The following TDRD9 variants were observed in gnomAD, a reference collection of about 807,000 sequenced individuals.
TDRD9 encodes ATP-dependent RNA helicase TDRD9.
A neutral mutation model predicts 172.6 loss-of-function variants in TDRD9; 124 were observed. That is an observed-to-expected ratio of 0.72 (90% CI 0.62 to 0.83). The LOEUF is 0.83. TDRD9 is among the 40% of genes least tolerant of loss of function. The probability of loss-of-function intolerance (pLI) is 0.00; values close to 1 mark genes in which losing one functional copy is unlikely to be tolerated. For missense variants in TDRD9, 1,479 were observed against 1,714.1 expected (o/e 0.86, Z 2.42); for synonymous variants, 619 against 617.1 (o/e 1.00, Z -0.05).
chr14:104,002,601 G>A (rs2034298316), intron 13 of TDRD9, among the ~76,000 whole-genome samples: 1 of 152,118 alleles, frequency 6.6e-6, no homozygotes, highest in Non-Finnish European at 1.5e-5. Context: ...CCCGGTGATT[G>A]GCATAAGAGT....
Position 104,025,664 on chromosome 14 carries a change from C to A in TDRD9, c.2819C>A (p.Pro940His), listed in dbSNP as rs759795522. ...TAEINQLTLVPLPTHPHPDLV... is the reference protein window; with the variant it reads ...TAEINQLTLVHLPTHPHPDLV... The stretch of plus-strand genomic sequence containing the variant: ...GAAATCAACCAACTGACGCTGGTGC[C>A]CTTGCCCACTCACCCACATCCAGAC... The change falls in exon 26 of 36, where the codon CCC (proline) becomes CAC (histidine). Residue 940 changes from proline to histidine, a missense_variant. By Grantham distance (77) the Pro-to-His change is moderately conservative (BLOSUM62 -2). Coordinates refer to ENST00000409874, the MANE Select transcript of TDRD9 (RefSeq NM_153046.3). The A allele has an allele frequency of 6.2e-7, 1 of 1,613,952 alleles. No homozygotes were observed. Among genetic ancestry groups the A allele is most frequent in the Non-Finnish European group, 8.5e-7 (1 of 1,179,840 alleles).
At position 103,959,434 on chromosome 14, in the gene TDRD9, G is replaced by A. The variant is rs567849206; in HGVS notation, c.323-3645G>A. Among the ~76,000 whole-genome samples the A allele has an allele frequency of 7.3e-5, 11 of 150,838 alleles. No homozygotes were observed. The South Asian group carries it at 2.3e-3, about 32-fold the overall frequency. ...AGTGTTGAAGTGCCTCTGGAGCACT[G>A]AAGAAGTAAGGTCAGGTTATCGTGT... On this transcript the variant is annotated intron_variant, in intron 2 of 35. Coordinates refer to ENST00000409874, the MANE Select transcript of TDRD9 (RefSeq NM_153046.3).
chr14:103,963,439 C>G, intron 3 of TDRD9, among the ~76,000 whole-genome samples: 1 of 152,098 alleles, frequency 6.6e-6, no homozygotes, highest in Non-Finnish European at 1.5e-5. Context: ...TTTAGTTTAT[C>G]TAGTCTTTCC....
At chr14:104,010,974 T>C (rs1466072101) in intron 20 of TDRD9, among the ~76,000 whole-genome samples, 2 of 152,178 alleles carry the variant, frequency 1.3e-5, no homozygotes, top group Non-Finnish European at 2.9e-5. Context: ...GTGCTAGACT[T>C]TCATATGATT....
intron 1 of TDRD9, among the ~76,000 whole-genome samples, chr14:103,932,854 A>G (rs981931672): frequency 2.0e-5 from 3 of 152,172 alleles, no homozygotes; most frequent in Non-Finnish European, 4.4e-5. Flanking sequence ...GCAGAAGAAC[A>G]TGGGCAATTT....
chr14:103,939,575 C>CAGGT (rs1344842697), intron 1 of TDRD9, among the ~76,000 whole-genome samples: 1 of 148,968 alleles, frequency 6.7e-6, no homozygotes, highest in Non-Finnish European at 1.5e-5. Flanking sequence ...AAACCCTGAT[C>CAGGT]AGGTGGGTTG....
intron 11 of TDRD9, among the ~76,000 whole-genome samples, chr14:103,995,220 A>G (rs1199522285): frequency 2.0e-5 from 3 of 152,180 alleles, no homozygotes; most frequent in African/African-American, 4.8e-5. Context: ...TAGAAGCCAT[A>G]TTCTAGGTCC....
intron 1 of TDRD9, among the ~76,000 whole-genome samples, chr14:103,952,165 T>G (rs2031915461): frequency 7.0e-6 from 1 of 142,194 alleles, no homozygotes; most frequent in Non-Finnish European, 1.5e-5. Flanking sequence ...TGTATATATG[T>G]GTATATATGT....
At chr14:103,987,123 TAC>T (rs143714763) in intron 8 of TDRD9, among the ~76,000 whole-genome samples, 10,758 of 145,560 alleles carry the variant, frequency 0.074, 396 homozygotes, top group Middle Eastern at 0.084. Context: ...AAAAAATATA[TAC>T]ACACACACAC....
intron 1 of TDRD9, among the ~76,000 whole-genome samples, chr14:103,952,209 TATATATATATA>T (rs1331949644): frequency 3.4e-4 from 29 of 84,502 alleles, no homozygotes; most frequent in Admixed American, 8.7e-4. Flanking sequence ...TATATATATA[TATATATATATA>T]TTTTTTTTTT....
intron 1 of TDRD9, among the ~76,000 whole-genome samples, chr14:103,938,432 A>ATTTTTTTTTTTTTTTTTTTT (rs1343962171): frequency 2.7e-5 from 1 of 37,198 alleles, no homozygotes; most frequent in African/African-American, 1.1e-4. Flanking sequence ...ATATATATAT[A>ATTTTTTTTTTTTTTTTTTTT]TATATATATT....
At chr14:104,019,094 T>C (rs2034876699) in intron 23 of TDRD9, among the ~76,000 whole-genome samples, 1 of 152,204 alleles carries the variant, frequency 6.6e-6, no homozygotes, top group South Asian at 2.1e-4. Flanking sequence ...AATATTCTGA[T>C]GTAAATTATA....
At chr14:103,990,989 A>G (rs1046724008) in intron 8 of TDRD9, among the ~76,000 whole-genome samples, 171 bp from the exon 9 acceptor site, 2 of 152,190 alleles carry the variant, frequency 1.3e-5, no homozygotes, top group African/African-American at 4.8e-5. Context: ...GGGGCCTTGG[A>G]TGTTTTCTCA....
chr14:104,009,924 C>T (rs531102163), intron 20 of TDRD9, among the ~76,000 whole-genome samples: 5 of 150,892 alleles, frequency 3.3e-5, no homozygotes, highest in African/African-American at 1.2e-4. Context: ...TGTCACCACT[C>T]GTAATTTGTT....
intron 18 of TDRD9, 88 bp downstream of exon 18, chr14:104,006,933 A>T: frequency 8.4e-7 from 1 of 1,190,628 alleles, no homozygotes; most frequent in South Asian, 1.3e-5. Context: ...GTAGAGACAG[A>T]CAATGTTTTA....
intron 1 of TDRD9, among the ~76,000 whole-genome samples, chr14:103,951,567 A>C (rs1284430781): frequency 6.6e-6 from 1 of 152,154 alleles, no homozygotes; most frequent in Non-Finnish European, 1.5e-5. Flanking sequence ...ATGAAGTATA[A>C]ATTTTTGTAT....
At chr14:103,979,133 A>G (rs1376415736) in intron 7 of TDRD9, among the ~76,000 whole-genome samples, 2 of 152,138 alleles carry the variant, frequency 1.3e-5, no homozygotes, top group Non-Finnish European at 2.9e-5. Context: ...ACATGAGAAC[A>G]TGTGGTATTT....
intron 1 of TDRD9, 63 bp from the exon 2 acceptor site, chr14:103,955,601 C>T (rs2032153130): frequency 7.9e-7 from 1 of 1,270,144 alleles, no homozygotes; most frequent in South Asian, 1.4e-5. Flanking sequence ...AAAAACTTGT[C>T]TAGTACACAA....
intron 24 of TDRD9, 105 bp downstream of exon 24, chr14:104,022,435 AG>A: frequency 7.9e-7 from 1 of 1,257,934 alleles, no homozygotes; most frequent in Non-Finnish European, 1.1e-6. Flanking sequence ...TCATGGTAAA[AG>A]CACTGGCTTG....
Sources: allele counts gnomAD v4.1 joint callset (sites outside exome capture counted in the v4.1 genomes callset), GRCh38; gene constraint gnomAD v4.1.1; transcripts MANE v1.5; gene names NCBI Gene and HGNC (gene_info 2026-07-23, HGNC 2026-07-21).